The following STXBP6 variants were observed in gnomAD, a reference collection of about 807,000 sequenced individuals.
STXBP6 encodes syntaxin binding protein 6, also known as syntaxin-binding protein 6.
In STXBP6, 21 loss-of-function variants were observed where a neutral mutation model predicts 26.9. The observed-to-expected ratio is 0.78, with a 90% CI of 0.55 to 1.12. The LOEUF (loss-of-function observed/expected upper bound fraction) is 1.12, where lower values mean the gene tolerates loss of function less well. STXBP6 is among the 50% of genes most tolerant of loss of function. STXBP6 has a pLI of 0.00. For missense variants in STXBP6, 232 were observed against 257.9 expected, an observed-to-expected ratio of 0.90 and a Z score of 0.69; for synonymous variants, 97 against 92.6, an observed-to-expected ratio of 1.05 and a Z score of -0.27.
At chr14:24,846,441 C>G (rs1362042072) in intron 4 of STXBP6, among the ~76,000 whole-genome samples, 1 of 152,132 alleles carries the variant, frequency 6.6e-6, no homozygotes, top group Non-Finnish European at 1.5e-5. Flanking sequence ...TCTCCCAAAG[C>G]CCTTATAATC....
At chr14:24,888,008 G>A (rs1004614665) in intron 2 of STXBP6, among the ~76,000 whole-genome samples, 2 of 152,118 alleles carry the variant, frequency 1.3e-5, no homozygotes, top group Admixed American at 6.5e-5. Context: ...AAGACATATA[G>A]TACACAATTT....
chr14:24,931,382 T>A (rs1408042336), intron 2 of STXBP6, among the ~76,000 whole-genome samples: 1 of 151,648 alleles, frequency 6.6e-6, no homozygotes, highest in Non-Finnish European at 1.5e-5. Context: ...ACTTAAAGCA[T>A]AAGAAAAAAA....
chr14:24,986,430 T>C (rs572128174), intron 1 of STXBP6, among the ~76,000 whole-genome samples: 1 of 152,218 alleles, frequency 6.6e-6, no homozygotes, highest in African/African-American at 2.4e-5. Flanking sequence ...GGCAGAAGAA[T>C]ACACCCTGGG....
chr14:24,913,422 T>A (rs530277603), intron 2 of STXBP6, among the ~76,000 whole-genome samples: 1 of 152,330 alleles, frequency 6.6e-6, no homozygotes, highest in African/African-American at 2.4e-5. Context: ...CTATATATAA[T>A]ATGTATCAAA....
chr14:24,863,712 T>C lies in STXBP6; in HGVS notation c.155-6555A>G, dbSNP rs188321639. Among the ~76,000 whole-genome samples, 224 of 152,244 alleles carry C rather than the reference T, an allele frequency of 1.5e-3. 2 individuals carry two copies. The highest frequency in any genetic ancestry group is 2.7e-3 in the South Asian group (13 of 4,824). On this transcript the variant is annotated intron_variant, in intron 2 of 5. Coordinates refer to ENST00000323944, the MANE Select transcript of STXBP6 (RefSeq NM_001394410.1). ...GTTTGTTTCAGGCTTCCTGAAAATA[T>C]GATTTCAGGGAGATTCAACAACCCA...
At chr14:25,001,032 T>C (rs1350117377) in intron 1 of STXBP6, among the ~76,000 whole-genome samples, 1 of 152,154 alleles carries the variant, frequency 6.6e-6, no homozygotes, top group Non-Finnish European at 1.5e-5. Flanking sequence ...TTTTGTGAAT[T>C]GATTTTTCAG....
chr14:24,983,749 A>C (rs1595250534), intron 1 of STXBP6, among the ~76,000 whole-genome samples: 1 of 152,346 alleles, frequency 6.6e-6, no homozygotes, highest in South Asian at 2.1e-4. Context: ...CTCAAGCTTT[A>C]GGTAAATTTT....
At chr14:25,029,826 G>C (rs536984762) in intron 1 of STXBP6, among the ~76,000 whole-genome samples, 133 of 152,206 alleles carry the variant, frequency 8.7e-4, no homozygotes, top group African/African-American at 3.1e-3. Flanking sequence ...ACACTCATTT[G>C]GTAGTTAAGC....
At chr14:25,003,604 A>C (rs1486950849) in intron 1 of STXBP6, among the ~76,000 whole-genome samples, 1 of 152,254 alleles carries the variant, frequency 6.6e-6, no homozygotes, top group Non-Finnish European at 1.5e-5. Context: ...ATGTAACATA[A>C]GAAAATTCTT....
At chr14:25,038,631 G>T (rs1487741958) in intron 1 of STXBP6, among the ~76,000 whole-genome samples, 1 of 152,134 alleles carries the variant, frequency 6.6e-6, no homozygotes, top group Non-Finnish European at 1.5e-5. Flanking sequence ...TTGTTACAAA[G>T]AAGGGAACAA....
chr14:24,880,842 G>A (rs1377614701), intron 2 of STXBP6, among the ~76,000 whole-genome samples: 1 of 152,194 alleles, frequency 6.6e-6, no homozygotes. Context: ...GGGCAGAGAA[G>A]AAGAGTTAGC....
In STXBP6 at chr14:24,839,614, A is replaced by T. The variant is rs572435052; in HGVS notation, c.451+16322T>A. ...GTATGGTAATCTTGTATATTGTGTGACTTGTCATTCTTGAAAAAGAAAAGT... is the reference window on the plus strand; with the variant it reads ...GTATGGTAATCTTGTATATTGTGTGTCTTGTCATTCTTGAAAAAGAAAAGT... On this transcript the variant is annotated intron_variant, in intron 4 of 5. Transcript: ENST00000323944. Among the ~76,000 whole-genome samples, 50 of 152,296 alleles carry T rather than the reference A, an allele frequency of 3.3e-4. No homozygotes were observed. The South Asian group carries it at 1.0e-2, about 30-fold the overall frequency.
chr14:24,959,744 G>C (rs1313356870), intron 2 of STXBP6, among the ~76,000 whole-genome samples: 1 of 152,210 alleles, frequency 6.6e-6, no homozygotes, highest in Non-Finnish European at 1.5e-5. Flanking sequence ...GAAGGCACTA[G>C]CCCAAATGGA....
intron 1 of STXBP6, among the ~76,000 whole-genome samples, chr14:24,990,949 A>G (rs531786246): frequency 1.6e-4 from 24 of 151,386 alleles, no homozygotes; most frequent in Admixed American, 1.4e-3. Flanking sequence ...AGGAGAGAGC[A>G]GAGAGAGAAG....
At chr14:24,875,172 C>T (rs2070091306) in intron 2 of STXBP6, among the ~76,000 whole-genome samples, 1 of 152,140 alleles carries the variant, frequency 6.6e-6, no homozygotes, top group African/African-American at 2.4e-5. Context: ...ATTCTGCCTA[C>T]CTGTCCATGG....
chr14:24,818,012 A>G (rs1363840205), intron 5 of STXBP6: 10 of 456,276 alleles, frequency 2.2e-5, no homozygotes, highest in Non-Finnish European at 4.4e-5. Context: ...CTCAGCTGGG[A>G]ATATTCTTCT....
In STXBP6 at chr14:24,957,808, C is replaced by G. The variant is rs147931280; in HGVS notation, c.154+16857G>C. ...TTATACAGCTAGTCAGTAGTAGAAA[C>G]AGGATTCAAGTCCATGTTTTTACTA... On this transcript the variant is annotated intron_variant, in intron 2 of 5. Coordinates refer to ENST00000323944, the MANE Select transcript of STXBP6 (RefSeq NM_001394410.1). Among the ~76,000 whole-genome samples the G allele has an allele frequency of 4.6e-5, 7 of 152,306 alleles. No homozygotes were observed. The East Asian group carries it at 1.3e-3, about 29-fold the overall frequency.
At chr14:24,891,858 T>G (rs2070798839) in intron 2 of STXBP6, among the ~76,000 whole-genome samples, 1 of 152,230 alleles carries the variant, frequency 6.6e-6, no homozygotes, top group African/African-American at 2.4e-5. Context: ...TCCATCTGAT[T>G]ATCCTGGTGC....
chr14:24,931,117 CAAAAAAAAAAAAAAA>C (rs749625860), intron 2 of STXBP6, among the ~76,000 whole-genome samples: 1 of 23,330 alleles, frequency 4.3e-5, no homozygotes, highest in African/African-American at 1.6e-4. Context: ...GACTCCGTCT[CAAAAAAAAAAAAAAA>C]AAAAAAAAAA....
Sources: allele counts gnomAD v4.1 joint callset (sites outside exome capture counted in the v4.1 genomes callset), GRCh38; gene constraint gnomAD v4.1.1; transcripts MANE v1.5; gene names NCBI Gene and HGNC (gene_info 2026-07-23, HGNC 2026-07-21).